PRR11: variants seen among roughly 807,000 people sequenced by gnomAD.
PRR11 encodes proline-rich protein 11.
Under a neutral mutation model 45.6 loss-of-function variants are expected in PRR11, and 30 were observed. That is an observed-to-expected ratio of 0.66 (90% CI 0.49 to 0.89). The LOEUF is 0.89. PRR11 is among the 40% of genes least tolerant of loss of function. The pLI is 0.00. For missense variants in PRR11, 373 were observed against 424.8 expected (o/e 0.88, Z 1.07); for synonymous variants, 128 against 153.5 (o/e 0.83, Z 1.23).
chr17:59,186,102 A>G (rs1402983709), intron 4 of PRR11, among the ~76,000 whole-genome samples: 5 of 152,162 alleles, frequency 3.3e-5, no homozygotes, highest in Admixed American at 6.6e-5. Context: ...TCCTGGACAT[A>G]AAACTGTGGG....
chr17:59,196,325 G>C (rs745716126), intron 7 of PRR11, among the ~76,000 whole-genome samples: 5 of 151,874 alleles, frequency 3.3e-5, no homozygotes, highest in Non-Finnish European at 7.4e-5. Flanking sequence ...AGACACACTA[G>C]TTTTCATATT....
chr17:59,193,359 T>G, intron 4 of PRR11, 133 bp from the exon 5 acceptor site: 6 of 1,126,650 alleles, frequency 5.3e-6, no homozygotes, highest in South Asian at 1.6e-5. Flanking sequence ...TGATTATAAA[T>G]GAGAAAATAT....
chr17:59,180,029 C>A (rs998767919), intron 2 of PRR11: 2 of 820,812 alleles, frequency 2.4e-6, no homozygotes, highest in Non-Finnish European at 3.7e-6. Flanking sequence ...CTTTGCTGAA[C>A]CCCATGAGCC....
intron 2 of PRR11, among the ~76,000 whole-genome samples, chr17:59,180,725 C>T (rs1349083275): frequency 2.6e-5 from 4 of 151,380 alleles, no homozygotes; most frequent in African/African-American, 9.8e-5. Context: ...AGGCTGGTCT[C>T]GAACAACTGA....
chr17:59,164,263 G>A (rs2046668324), intron 1 of PRR11, among the ~76,000 whole-genome samples: 1 of 152,110 alleles, frequency 6.6e-6, no homozygotes, highest in Non-Finnish European at 1.5e-5. Flanking sequence ...TACAAAAAAG[G>A]TTTGTTGACC....
In PRR11 at chr17:59,181,679, G is replaced by C. The variant is rs566089937; in HGVS notation, c.129-3375G>C. Reference sequence around the variant, plus strand: ...GCCTCCTCCGATGACTCCTCAGATTGGTCCGACCACTCCCTCTTCCTTTTC... The same window carrying C: ...GCCTCCTCCGATGACTCCTCAGATTCGTCCGACCACTCCCTCTTCCTTTTC... On this transcript the variant is annotated intron_variant, in intron 2 of 9. Transcript: ENST00000262293. 523 of 1,543,768 alleles carry C rather than the reference G, an allele frequency of 3.4e-4. 4 individuals are homozygous for C. The South Asian group carries it at 4.5e-3, about 13-fold the overall frequency.
In PRR11 at chr17:59,180,360, G is replaced by A. The variant is rs142866486; in HGVS notation, c.129-4694G>A. On this transcript the variant is annotated intron_variant, in intron 2 of 9. Coordinates refer to ENST00000262293, the MANE Select transcript of PRR11 (RefSeq NM_018304.4). ...TGGCCAGGCTGGTCTCAAACTCCTGGCCTCAAGTGATCCGCCTGCCTTGGC... is the reference window on the plus strand; with the variant it reads ...TGGCCAGGCTGGTCTCAAACTCCTGACCTCAAGTGATCCGCCTGCCTTGGC... 1.8e-4 allele frequency among the ~76,000 whole-genome samples: 27 copies of A among 150,808 alleles called. No individual in the cohort carries two copies. In the East Asian group the frequency reaches 5.3e-3, roughly 30 times the overall value.
chr17:59,168,318 T>A (rs2046689750), intron 1 of PRR11, among the ~76,000 whole-genome samples: 1 of 151,174 alleles, frequency 6.6e-6, no homozygotes, highest in South Asian at 2.1e-4. Flanking sequence ...ACAGGCACCG[T>A]GCCACCATGC....
At chr17:59,167,023 C>T (rs1366736955) in intron 1 of PRR11, among the ~76,000 whole-genome samples, 4 of 151,854 alleles carry the variant, frequency 2.6e-5, no homozygotes, top group East Asian at 1.9e-4. Context: ...ATTAGCCAGG[C>T]GTGGATGGCG....
chr17:59,192,382 A>G (rs758557953), intron 4 of PRR11, among the ~76,000 whole-genome samples: 9 of 152,204 alleles, frequency 5.9e-5, no homozygotes, highest in Non-Finnish European at 8.8e-5. Context: ...TTCAACCACC[A>G]AGTTTGGGAT....
chr17:59,198,743 A>G (rs2147856932), intron 9 of PRR11, among the ~76,000 whole-genome samples: 1 of 151,970 alleles, frequency 6.6e-6, no homozygotes, highest in East Asian at 1.9e-4. Flanking sequence ...TGGCTAAGGC[A>G]TGAGAATCGC....
At chr17:59,181,097 C>G (rs886205051) in intron 2 of PRR11, among the ~76,000 whole-genome samples, 3 of 151,888 alleles carry the variant, frequency 2.0e-5, no homozygotes, top group Middle Eastern at 3.4e-3. Context: ...TCACGCCATT[C>G]TGCTGCCTCA....
chr17:59,194,904 A>C, intron 6 of PRR11, 49 bp downstream of exon 6: 8 of 1,477,288 alleles, frequency 5.4e-6, no homozygotes, highest in Non-Finnish European at 7.5e-6. Flanking sequence ...TTAACAATAT[A>C]GGCTCATGCC....
chr17:59,193,431 C>T (rs958959855), intron 4 of PRR11, 61 bp from the exon 5 acceptor site: 1 of 1,598,300 alleles, frequency 6.3e-7, no homozygotes, highest in African/African-American at 1.3e-5. Flanking sequence ...TTTGATGACT[C>T]TCACCCTCAA....
intron 4 of PRR11, among the ~76,000 whole-genome samples, chr17:59,189,184 C>A (rs1291449101): frequency 6.6e-6 from 1 of 151,394 alleles, no homozygotes; most frequent in African/African-American, 2.4e-5. Flanking sequence ...TCCATAGTCC[C>A]AGCTACTCAG....
intron 3 of PRR11, 97 bp from the exon 4 acceptor site, chr17:59,185,343 T>G: frequency 2.6e-6 from 4 of 1,528,250 alleles, no homozygotes; most frequent in Non-Finnish European, 2.7e-6. Flanking sequence ...CTGCCTTTGC[T>G]TCTATAAAAA....
At chr17:59,184,949 A>G in intron 2 of PRR11, 105 bp from the exon 3 acceptor site, 1 of 998,420 alleles carries the variant, frequency 1.0e-6, no homozygotes, top group Non-Finnish European at 1.4e-6. Context: ...TCCTCACCTC[A>G]GCCTCCCAAA....
Position 59,189,489 on chromosome 17 carries a change from A to C in PRR11, c.402+3927A>C, listed in dbSNP as rs977402506. 5.3e-5 allele frequency among the ~76,000 whole-genome samples: 8 copies of C among 151,990 alleles called. No homozygotes were observed. In the East Asian group the frequency reaches 1.6e-3, roughly 30 times the overall value. Reference sequence around the variant, plus strand: ...GCTGGGACTACAGGTGCCCGCCACCATGCCTGGCTAATTTTTGTATTTTTA... The same window carrying C: ...GCTGGGACTACAGGTGCCCGCCACCCTGCCTGGCTAATTTTTGTATTTTTA... On this transcript the variant is annotated intron_variant, in intron 4 of 9. Coordinates refer to ENST00000262293, the MANE Select transcript of PRR11 (RefSeq NM_018304.4).
At chr17:59,198,307 A>G (rs539079573) in intron 9 of PRR11, among the ~76,000 whole-genome samples, 51 of 152,236 alleles carry the variant, frequency 3.4e-4, no homozygotes, top group African/African-American at 1.2e-3. Flanking sequence ...TGGGAGGCCG[A>G]GGTGGGCAGA....
Sources: allele counts gnomAD v4.1 joint callset (sites outside exome capture counted in the v4.1 genomes callset), GRCh38; gene constraint gnomAD v4.1.1; transcripts MANE v1.5; gene names NCBI Gene and HGNC (gene_info 2026-07-23, HGNC 2026-07-21).